MYOF: variants seen among roughly 807,000 people sequenced by gnomAD.
The protein encoded by MYOF is myoferlin, also known as fer-1-like 3, myoferlin.
A neutral mutation model predicts 284.2 loss-of-function variants in MYOF; 244 were observed. That is an observed-to-expected ratio of 0.86 (90% CI 0.77 to 0.95). The LOEUF is 0.95. MYOF is among the 40% of genes least tolerant of loss of function. The pLI is 0.00. For synonymous variants in MYOF, 904 were observed against 919.7 expected (o/e 0.98, Z 0.31); for missense variants, 2,496 against 2,560.6 (o/e 0.97, Z 0.54).
chr10:93,340,798 C>T (rs1171043555), intron 38 of MYOF, among the ~76,000 whole-genome samples: 1 of 152,082 alleles, frequency 6.6e-6, no homozygotes, highest in Admixed American at 6.6e-5. Flanking sequence ...ATCTGAGGGC[C>T]CATCCAGGAG....
chr10:93,433,868 A>C (rs112819483), intron 3 of MYOF, among the ~76,000 whole-genome samples: 2 of 152,320 alleles, frequency 1.3e-5, no homozygotes, highest in Admixed American at 6.5e-5. Flanking sequence ...CAGTCTTCAG[A>C]AATAGGACTA....
intron 7 of MYOF, among the ~76,000 whole-genome samples, chr10:93,407,444 A>T (rs1469509998): frequency 6.9e-6 from 1 of 145,910 alleles, no homozygotes; most frequent in Non-Finnish European, 1.5e-5. Flanking sequence ...AAAAAAAAAA[A>T]AAAAGGCCGG....
intron 5 of MYOF, among the ~76,000 whole-genome samples, chr10:93,413,317 CA>C (rs1262907128): frequency 2.6e-5 from 4 of 152,130 alleles, no homozygotes; most frequent in Non-Finnish European, 4.4e-5. Flanking sequence ...TGCCTTGCAG[CA>C]GAAGAATATT....
chr10:93,470,232 A>G (rs2057108877), intron 1 of MYOF, among the ~76,000 whole-genome samples: 1 of 90,846 alleles, frequency 1.1e-5, no homozygotes, highest in South Asian at 5.1e-4. Flanking sequence ...CCATCTCAAA[A>G]AAAAAAAAAG....
Position 93,378,693 on chromosome 10 carries a change from G to GTGTGTGTGTATATATATATATA in MYOF, c.2001+1169_2001+1170insTATATATATATATACACACACA. 6.7e-4 allele frequency among the ~76,000 whole-genome samples: 59 copies of GTGTGTGTGTATATATATATATA among 87,878 alleles called. 1 individual carries two copies. Among genetic ancestry groups the GTGTGTGTGTATATATATATATA allele is most frequent in the East Asian group, 2.4e-3 (3 of 1,230 alleles). 57.7% of individuals were successfully genotyped at this position (87,878 alleles called of 152,430 possible). A position where few individuals can be genotyped will look rare whatever the true frequency, so the allele number is the denominator to read the frequency against. ...TATGTGTGTGTGTATGTGTGTGTGT[G>GTGTGTGTGTATATATATATATA]TATATATATATATATATATATATGT... On this transcript the variant is annotated intron_variant, in intron 21 of 53. Coordinates refer to ENST00000359263, the MANE Select transcript of MYOF (RefSeq NM_013451.4).
At chr10:93,373,208 GCT>G in intron 23 of MYOF, 123 bp from the exon 24 acceptor site, 1 of 1,146,034 alleles carries the variant, frequency 8.7e-7, no homozygotes, top group South Asian at 1.4e-5. Context: ...TGTGGTTAGG[GCT>G]CTGTCTCAAA....
At chr10:93,392,631 C>G (rs1846753120) in intron 17 of MYOF, among the ~76,000 whole-genome samples, 1 of 152,100 alleles carries the variant, frequency 6.6e-6, no homozygotes, top group Admixed American at 6.5e-5. Flanking sequence ...TAAACAATAA[C>G]AGAAAATGTT....
chr10:93,326,183 T>C (rs1843038669), intron 45 of MYOF, among the ~76,000 whole-genome samples: 1 of 152,098 alleles, frequency 6.6e-6, no homozygotes, highest in Non-Finnish European at 1.5e-5. Flanking sequence ...GGACTGCCAA[T>C]AGTAAAGGGG....
In MYOF at chr10:93,369,503, A is replaced by G; in HGVS notation, c.2589+142T>C. On this transcript the variant is annotated intron_variant, in intron 25 of 53. Coordinates refer to ENST00000359263, the MANE Select transcript of MYOF (RefSeq NM_013451.4). ...AGCATCTTCTCTTATCCCTTAGGTTAAGATCCCTTCGATGGGATTTTAGGG... is the reference window on the plus strand; with the variant it reads ...AGCATCTTCTCTTATCCCTTAGGTTGAGATCCCTTCGATGGGATTTTAGGG... The G allele has an allele frequency of 2.5e-6, 3 of 1,183,806 alleles. No homozygotes were observed. The South Asian group carries it at 4.7e-5, about 19-fold the overall frequency. 73.3% of individuals were successfully genotyped at this position (1,183,806 alleles called of 1,614,324 possible).
intron 5 of MYOF, among the ~76,000 whole-genome samples, chr10:93,414,222 C>T (rs1334905939): frequency 1.3e-5 from 2 of 151,972 alleles, no homozygotes; most frequent in African/African-American, 4.8e-5. Context: ...CTTTCTCCTT[C>T]TGTGTCCTCC....
intron 53 of MYOF, among the ~76,000 whole-genome samples, chr10:93,308,640 A>C (rs1191665284): frequency 6.6e-6 from 1 of 150,396 alleles, no homozygotes; most frequent in African/African-American, 2.5e-5. Context: ...GTGTACATAT[A>C]CTCATAGATG....
In MYOF at chr10:93,342,048, C is replaced by T. The variant is rs570698040; in HGVS notation, c.4326+1808G>A. On this transcript the variant is annotated intron_variant, in intron 38 of 53. Transcript: ENST00000359263. ...TGGCTAGCACTTGACCAATTTTCCC[C>T]GAAGACTTATTTCTCACTTTTCTTG... 1.0e-4 allele frequency: 101 copies of T among 1,004,106 alleles called. 2 individuals carry two copies. In the South Asian group the frequency reaches 1.2e-3, roughly 12 times the overall value. 62.2% of individuals were successfully genotyped at this position (1,004,106 alleles called of 1,614,324 possible). A position where few individuals can be genotyped will look rare whatever the true frequency, so the allele number is the denominator to read the frequency against.
intron 36 of MYOF, among the ~76,000 whole-genome samples, chr10:93,349,118 T>A (rs551448998): frequency 2.4e-4 from 37 of 152,194 alleles, no homozygotes; most frequent in Non-Finnish European, 4.6e-4. Flanking sequence ...ACTGTCTTTA[T>A]GTCACCTATT....
At chr10:93,345,579 CA>C (rs1239519028) in intron 37 of MYOF, among the ~76,000 whole-genome samples, 5 of 152,302 alleles carry the variant, frequency 3.3e-5, no homozygotes, top group Admixed American at 3.3e-4. Context: ...AGCTCCCCTG[CA>C]GATCCTGACA....
In MYOF at chr10:93,328,838, A is replaced by G. The variant is rs945027948; in HGVS notation, c.5056T>C (p.Phe1686Leu). The G allele has an allele frequency of 5.3e-5, 86 of 1,613,772 alleles. No homozygotes were observed. Among genetic ancestry groups the G allele is most frequent in the Non-Finnish European group, 7.3e-5 (86 of 1,179,732 alleles). Reference sequence around the variant, plus strand: ...TCTTCGGAAAGGATGGGTTGTGGGAAGCCTTTGAATCTGGCGACATTTTGA... The same window carrying G: ...TCTTCGGAAAGGATGGGTTGTGGGAGGCCTTTGAATCTGGCGACATTTTGA... ...LLQNVARFKG[F>L]PQPILSEDGS... The change falls in exon 45 of 54, where the codon TTC becomes CTC. Residue 1686 changes from phenylalanine to leucine, a missense_variant. Phe to Leu is a conservative substitution (Grantham distance 22, BLOSUM62 0). Coordinates refer to ENST00000359263, the MANE Select transcript of MYOF (RefSeq NM_013451.4).
intron 10 of MYOF, among the ~76,000 whole-genome samples, 195 bp from the exon 11 acceptor site, chr10:93,402,542 G>T (rs537949491): frequency 1.3e-5 from 2 of 148,354 alleles, no homozygotes; most frequent in Admixed American, 6.9e-5. Flanking sequence ...TTCTGTCCTC[G>T]TGTAACTCAA....
At chr10:93,394,448 C>CTTTGTTTTTTTTT in intron 16 of MYOF, among the ~76,000 whole-genome samples, 1 of 28,682 alleles carries the variant, frequency 3.5e-5, no homozygotes, top group Non-Finnish European at 6.5e-5. Context: ...ACCATCTTGT[C>CTTTGTTTTTTTTT]TTTTTTTTTT....
In MYOF at chr10:93,443,472, C is replaced by CTGTG. The variant is rs5787060; in HGVS notation, c.236+8574_236+8577dup. 0.045 allele frequency among the ~76,000 whole-genome samples: 6,225 copies of CTGTG among 137,124 alleles called. 797 individuals are homozygous for CTGTG. The East Asian group carries it at 0.53, about 12-fold the overall frequency. 90.0% of individuals were successfully genotyped at this position (137,124 alleles called of 152,430 possible). A position where few individuals can be genotyped will look rare whatever the true frequency, so the allele number is the denominator to read the frequency against. On this transcript the variant is annotated intron_variant, in intron 3 of 53. Coordinates refer to ENST00000359263, the MANE Select transcript of MYOF (RefSeq NM_013451.4). ...TTCTTCTCTCTCTCTCTCTCTCTCT[C>CTGTG]TGTGTGTGTGTGTGTGTGTGTGTGT...
chr10:93,389,417 G>A (rs1220101910), intron 17 of MYOF, among the ~76,000 whole-genome samples: 2 of 152,186 alleles, frequency 1.3e-5, no homozygotes, highest in African/African-American at 4.8e-5. Flanking sequence ...AGAGCAATTA[G>A]ACTTTGAAGT....
Sources: allele counts gnomAD v4.1 joint callset (sites outside exome capture counted in the v4.1 genomes callset), GRCh38; gene constraint gnomAD v4.1.1; transcripts MANE v1.5; gene names NCBI Gene and HGNC (gene_info 2026-07-23, HGNC 2026-07-21).